Variants in SLC35D4 observed in about 807,000 individuals in gnomAD.
The protein encoded by SLC35D4 is solute carrier family 35 member D4.
chr18:23,293,525 T>G, the SLC35D4 span, among the ~76,000 whole-genome samples: 1 of 152,244 alleles, frequency 6.6e-6, no homozygotes, highest in Non-Finnish European at 1.5e-5. Flanking sequence ...CCATCTGAAT[T>G]TGGCCCAACC....
chr18:23,376,365 A>C, the SLC35D4 span, among the ~76,000 whole-genome samples: 3 of 152,226 alleles, frequency 2.0e-5, no homozygotes, highest in African/African-American at 7.2e-5. Context: ...GGCCAGAGGC[A>C]GGAGGACTGG....
At chr18:23,263,251 G>A in the SLC35D4 span, among the ~76,000 whole-genome samples, 1 of 152,258 alleles carries the variant, frequency 6.6e-6, no homozygotes, top group Non-Finnish European at 1.5e-5. Flanking sequence ...GCGAGGCTGA[G>A]CCAGATGCTG....
At chr18:23,298,414 T>C in the SLC35D4 span, among the ~76,000 whole-genome samples, 1 of 152,196 alleles carries the variant, frequency 6.6e-6, no homozygotes, top group Non-Finnish European at 1.5e-5. Flanking sequence ...TAGAGGCCTC[T>C]GGTGCTGTTG....
the SLC35D4 span, among the ~76,000 whole-genome samples, chr18:23,273,865 C>T: frequency 6.6e-6 from 1 of 152,182 alleles, no homozygotes; most frequent in Non-Finnish European, 1.5e-5. Context: ...CACATACATA[C>T]ATTACTATAA....
chr18:23,327,347 A>G, the SLC35D4 span, among the ~76,000 whole-genome samples: 4 of 151,874 alleles, frequency 2.6e-5, no homozygotes, highest in African/African-American at 9.7e-5. Flanking sequence ...AATAGATGCA[A>G]TAAAAAATGA....
the SLC35D4 span, among the ~76,000 whole-genome samples, chr18:23,392,732 T>C: frequency 1.3e-5 from 2 of 152,138 alleles, no homozygotes; most frequent in Non-Finnish European, 2.9e-5. Context: ...ACTTGCCTGC[T>C]CTCAGGGAAT....
chr18:23,302,196 C>CAGACA, the SLC35D4 span, among the ~76,000 whole-genome samples: 1 of 152,338 alleles, frequency 6.6e-6, no homozygotes, highest in East Asian at 1.9e-4. Flanking sequence ...CCTACGGAGC[C>CAGACA]AGACACAGAC....
chr18:23,332,992 G>A, the SLC35D4 span, among the ~76,000 whole-genome samples: 146 of 152,144 alleles, frequency 9.6e-4, no homozygotes, highest in African/African-American at 3.2e-3. Flanking sequence ...CTCCACAGCC[G>A]GTTATAAGAT....
chr18:23,370,246 A>G, the SLC35D4 span: 1 of 1,612,752 alleles, frequency 6.2e-7, no homozygotes, highest in South Asian at 1.1e-5. Flanking sequence ...GGACTTCTGT[A>G]GAATTTTATA....
At chr18:23,249,895 G>A in the SLC35D4 span, among the ~76,000 whole-genome samples, 1 of 152,228 alleles carries the variant, frequency 6.6e-6, no homozygotes, top group African/African-American at 2.4e-5. Context: ...GGCACGAGCT[G>A]GAAGCAGCCA....
At chr18:23,370,209 A>T in the SLC35D4 span, 1 of 1,587,124 alleles carries the variant, frequency 6.3e-7, no homozygotes, top group South Asian at 1.2e-5. Context: ...AAAAAAAAAG[A>T]GTTTACCTTA....
the SLC35D4 span, among the ~76,000 whole-genome samples, chr18:23,371,105 C>CTCTCTCT: frequency 2.4e-5 from 2 of 82,824 alleles, no homozygotes; most frequent in Non-Finnish European, 6.8e-5. Flanking sequence ...CTCTCTCTTT[C>CTCTCTCT]TTTTTTTTTG....
the SLC35D4 span, chr18:23,253,633 GAGAA>G: frequency 5.8e-6 from 6 of 1,032,092 alleles, no homozygotes; most frequent in South Asian, 1.5e-5. Context: ...CTCTGGGAAA[GAGAA>G]AGAGAAAAAG....
the SLC35D4 span, among the ~76,000 whole-genome samples, chr18:23,269,568 TG>T: frequency 6.6e-6 from 1 of 152,344 alleles, no homozygotes; most frequent in East Asian, 1.9e-4. Flanking sequence ...GAAGCAATTT[TG>T]GAACTGGGTA....
chr18:23,350,069 T>C, the SLC35D4 span, among the ~76,000 whole-genome samples: 2 of 152,354 alleles, frequency 1.3e-5, no homozygotes, highest in African/African-American at 4.8e-5. Context: ...ATGTCTCTCA[T>C]GTTTTTGTTG....
At chr18:23,377,551 C>T in the SLC35D4 span, 6 of 1,200,012 alleles carry the variant, frequency 5.0e-6, no homozygotes, top group Admixed American at 8.5e-5. Context: ...CTTCTGCCAC[C>T]TCTTAGAGTA....
chr18:23,365,532 G>A, the SLC35D4 span: 16 of 1,373,116 alleles, frequency 1.2e-5, no homozygotes, highest in East Asian at 3.5e-4. Flanking sequence ...CATCCTGGGG[G>A]GCAATGACAT....
At chr18:23,385,039 TTA>T in the SLC35D4 span, 1 of 1,613,614 alleles carries the variant, frequency 6.2e-7, no homozygotes, top group South Asian at 1.1e-5. Context: ...TTCAGCTACA[TTA>T]TGCAAAGTGA....
At chr18:23,352,781 A>G in the SLC35D4 span, among the ~76,000 whole-genome samples, 1 of 152,266 alleles carries the variant, frequency 6.6e-6, no homozygotes, top group Non-Finnish European at 1.5e-5. Flanking sequence ...GGCTGAGGCC[A>G]GAAGTCCCCC....
Sources: allele counts gnomAD v4.1 joint callset (sites outside exome capture counted in the v4.1 genomes callset), GRCh38; gene constraint gnomAD v4.1.1; transcripts MANE v1.5; gene names NCBI Gene and HGNC (gene_info 2026-07-23, HGNC 2026-07-21).